MROH1: variants seen among roughly 807,000 people sequenced by gnomAD.
MROH1 encodes the protein maestro heat-like repeat-containing protein family member 1.
MROH1 carries 117 observed loss-of-function variants against 116.5 expected under a neutral mutation model. That is an observed-to-expected ratio of 1.00 (90% CI 0.86 to 1.17). MROH1 has a LOEUF of 1.17. Among genes scored for constraint, MROH1 ranks in the 50% most tolerant of loss-of-function variants. MROH1 has a pLI of 0.00. For missense variants in MROH1, 1,873 were observed against 1,338.5 expected, an observed-to-expected ratio of 1.40 and a Z score of -6.23; for synonymous variants, 921 against 583.9, an observed-to-expected ratio of 1.58 and a Z score of -8.32.
intron 1 of MROH1, among the ~76,000 whole-genome samples, chr8:144,152,451 C>T (rs1817039814): frequency 6.6e-6 from 1 of 151,792 alleles, no homozygotes; most frequent in Non-Finnish European, 1.5e-5. Context: ...TGCAGTGGCA[C>T]GATTTTGGCT....
chr8:144,249,560 TC>T (rs1270398019), intron 32 of MROH1, among the ~76,000 whole-genome samples: 2 of 152,024 alleles, frequency 1.3e-5, no homozygotes, highest in Non-Finnish European at 1.5e-5. Context: ...GACAAGGCCG[TC>T]CCCCAGAGTG....
intron 1 of MROH1, among the ~76,000 whole-genome samples, chr8:144,152,551 TA>T (rs1472359414): frequency 3.6e-5 from 5 of 139,352 alleles, no homozygotes; most frequent in African/African-American, 1.6e-4. Context: ...AAATTATTAT[TA>T]TTATTTTTTT....
intron 14 of MROH1, among the ~76,000 whole-genome samples, chr8:144,228,891 G>T (rs1328880430): frequency 6.6e-6 from 1 of 152,148 alleles, no homozygotes; most frequent in Non-Finnish European, 1.5e-5. Flanking sequence ...TTCAAAATGG[G>T]CGTCATTCCT....
Position 144,208,276 on chromosome 8 carries a change from T to C in MROH1, c.1141+7735T>C, listed in dbSNP as rs535473793. ...TTATTTTTATATGGATGTCCAGTTGTTCCAGTCTCACTTGTTGAAAAGACT... is the reference window on the plus strand; with the variant it reads ...TTATTTTTATATGGATGTCCAGTTGCTCCAGTCTCACTTGTTGAAAAGACT... On this transcript the variant is annotated intron_variant, in intron 12 of 43. Transcript: ENST00000326134. Among the ~76,000 whole-genome samples, 19 of 152,342 alleles carry C rather than the reference T, an allele frequency of 1.2e-4. No homozygotes were observed. The South Asian group carries it at 3.9e-3, about 32-fold the overall frequency.
At chr8:144,252,513 A>G (rs1220617542) in intron 33 of MROH1, 1 of 152,006 alleles carries the variant, frequency 6.6e-6, no homozygotes, top group Non-Finnish European at 1.5e-5. Flanking sequence ...CTAAAAATAT[A>G]AAAAATTAGC....
At chr8:144,175,627 AAGTCAGAAACAATAG>A (rs1242314094) in intron 4 of MROH1, 2 of 11,000 alleles carry the variant, frequency 1.8e-4, no homozygotes, top group Non-Finnish European at 2.5e-3. Context: ...TAGATTATGA[AAGTCAGAAACAATAG>A]GCTGGGTGCC....
chr8:144,175,512 C>A, intron 4 of MROH1: 1 of 985,494 alleles, frequency 1.0e-6, no homozygotes, highest in Non-Finnish European at 1.2e-6. Context: ...ACCGGCCGTG[C>A]TGCCCCGGCA....
chr8:144,256,801 C>A (rs1003413556), intron 35 of MROH1, among the ~76,000 whole-genome samples: 1 of 152,252 alleles, frequency 6.6e-6, no homozygotes, highest in Non-Finnish European at 1.5e-5. Flanking sequence ...CTAACACATT[C>A]GTGAGCCAAA....
At chr8:144,212,559 A>AT (rs1360829917) in intron 12 of MROH1, among the ~76,000 whole-genome samples, 4 of 135,934 alleles carry the variant, frequency 2.9e-5, no homozygotes, top group Admixed American at 7.4e-5. Context: ...GACCTCAGAG[A>AT]TTTTTACCTC....
Position 144,168,438 on chromosome 8 carries a change from A to G in MROH1, c.166A>G (p.Lys56Glu), listed in dbSNP as rs750142470. 5 of 1,605,322 alleles carry G rather than the reference A, an allele frequency of 3.1e-6. No individual in the cohort carries two copies. In the Admixed American group the frequency reaches 8.5e-5, roughly 27 times the overall value. Residue 56 changes from lysine (K) to glutamate (E), a missense_variant and splice_region_variant, in exon 4 of 44, where the codon AAG becomes GAG. By Grantham distance (56) the Lys-to-Glu change is moderately conservative. Transcript: ENST00000326134. Reference sequence around the variant, plus strand: ...CGAGGAGTATCTGCGGCAGCATGACAAGGTATGTGTGCTCCTTGGTGGGGA... The same window carrying G: ...CGAGGAGTATCTGCGGCAGCATGACGAGGTATGTGTGCTCCTTGGTGGGGA... ...ACEEYLRQHD[K>E]LAHPYRAAVL...
chr8:144,253,615 C>T (rs1843202114), intron 33 of MROH1, among the ~76,000 whole-genome samples: 1 of 152,126 alleles, frequency 6.6e-6, no homozygotes, highest in African/African-American at 2.4e-5. Context: ...CGTTTCCTGC[C>T]AGGTCATTTG....
intron 29 of MROH1, among the ~76,000 whole-genome samples, chr8:144,246,509 CAT>C (rs1841951360): frequency 6.6e-6 from 1 of 152,204 alleles, no homozygotes; most frequent in Non-Finnish European, 1.5e-5. Context: ...CTGTTCATCA[CAT>C]AACCCTGGTC....
Position 144,256,394 on chromosome 8 carries a change from G to GC in MROH1, c.3791+693dup, listed in dbSNP as rs1385439724. On this transcript the variant is annotated intron_variant, in intron 35 of 43. Transcript: ENST00000326134. Reference sequence around the variant, plus strand: ...ACACCAGGGGGACAGCCTCACTTCAGCCCCTCCCCCTGCCCCCCTTGGCCA... The same window carrying GC: ...ACACCAGGGGGACAGCCTCACTTCAGCCCCCTCCCCCTGCCCCCCTTGGCCA... Among the ~76,000 whole-genome samples the GC allele has an allele frequency of 7.7e-4, 102 of 132,488 alleles. 1 individual carries two copies. The highest frequency in any genetic ancestry group is 1.1e-3 in the Non-Finnish European group (68 of 59,408). 86.9% of individuals were successfully genotyped at this position (132,488 alleles called of 152,430 possible).
At chr8:144,185,919 G>T (rs1286979195) in intron 7 of MROH1, among the ~76,000 whole-genome samples, 10 of 149,838 alleles carry the variant, frequency 6.7e-5, no homozygotes, top group Non-Finnish European at 1.2e-4. Flanking sequence ...GCGGCGAGGG[G>T]CGACGTGGGG....
intron 20 of MROH1, 142 bp downstream of exon 20, chr8:144,240,819 G>A (rs2132900861): frequency 2.9e-6 from 2 of 678,534 alleles, no homozygotes; most frequent in Non-Finnish European, 5.4e-6. Flanking sequence ...AGGGCCAGGA[G>A]TGCGAGAGCC....
chr8:144,152,432 A>T (rs1483483329), intron 1 of MROH1, among the ~76,000 whole-genome samples: 1 of 151,756 alleles, frequency 6.6e-6, no homozygotes, highest in African/African-American at 2.4e-5. Context: ...CTCTGTCGCC[A>T]GGCTGGAGTG....
At chr8:144,148,232 G>A (rs1317255023) in intron 1 of MROH1, among the ~76,000 whole-genome samples, 156 bp downstream of exon 1, 1 of 152,128 alleles carries the variant, frequency 6.6e-6, no homozygotes, top group South Asian at 2.1e-4. Context: ...ACGCTGGGAG[G>A]GTCCTGGGTG....
intron 4 of MROH1, among the ~76,000 whole-genome samples, chr8:144,170,626 C>T (rs1295349763): frequency 2.0e-5 from 3 of 152,228 alleles, no homozygotes; most frequent in Admixed American, 2.0e-4. Flanking sequence ...AAAAGCAATG[C>T]CACATCCCCC....
intron 7 of MROH1, among the ~76,000 whole-genome samples, chr8:144,187,409 TAAAAAAA>T (rs920036389): frequency 6.6e-6 from 1 of 151,328 alleles, no homozygotes; most frequent in Non-Finnish European, 1.5e-5. Context: ...GACCCTGTCT[TAAAAAAA>T]AGAAAAAAAA....
Sources: gnomAD v4.1 joint callset for allele counts (sites outside exome capture counted in the v4.1 genomes callset) on GRCh38, gnomAD v4.1.1 for gene constraint, MANE v1.5 for transcripts, NCBI Gene and HGNC (gene_info 2026-07-23, HGNC 2026-07-21) for gene names.